The following JPT2 variants were observed in gnomAD, a reference collection of about 807,000 sequenced individuals.
JPT2 encodes the protein Jupiter microtubule associated homolog 2, also known as CRAMP_1 like.
A neutral mutation model predicts 15.9 loss-of-function variants in JPT2; 9 were observed. That is an observed-to-expected ratio of 0.57 (90% CI 0.34 to 0.99). The LOEUF (loss-of-function observed/expected upper bound fraction) is 0.99, where lower values mean the gene tolerates loss of function less well. JPT2 is among the 50% of genes least tolerant of loss of function. The pLI, the probability that JPT2 is intolerant of heterozygous loss-of-function variation, is 0.02. For synonymous variants in JPT2, 95 were observed against 91.7 expected, an observed-to-expected ratio of 1.04 and a Z score of -0.21; for missense variants, 267 against 252.1, an observed-to-expected ratio of 1.06 and a Z score of -0.40.
Position 1,699,124 on chromosome 16 carries a change from C to G in JPT2, c.*126C>G, listed in dbSNP as rs779595171. The G allele has an allele frequency of 1.1e-5, 11 of 996,882 alleles. No homozygotes were observed. The African/African-American group carries it at 1.3e-4, about 11-fold the overall frequency. 61.8% of individuals were successfully genotyped at this position (996,882 alleles called of 1,614,324 possible). ...TTAGTCTTATGTGAGCCTGGCTGCTCAGCGTCTCCTGGCCGTCATGACAGC... is the reference window on the plus strand; with the variant it reads ...TTAGTCTTATGTGAGCCTGGCTGCTGAGCGTCTCCTGGCCGTCATGACAGC... On this transcript the variant is annotated 3_prime_UTR_variant, in exon 5 of 5. Coordinates refer to ENST00000248098, the MANE Select transcript of JPT2 (RefSeq NM_144570.3).
intron 2 of JPT2, chr16:1,690,246 A>G (rs576128403): frequency 1.3e-5 from 2 of 152,330 alleles, no homozygotes; most frequent in Admixed American, 6.5e-5. Flanking sequence ...TCTCCACGCA[A>G]GCACACGTGG....
chr16:1,699,113 G>C lies in JPT2; in HGVS notation c.*115G>C. 3.6e-6 allele frequency: 4 copies of C among 1,111,866 alleles called. No individual in the cohort carries two copies. Among genetic ancestry groups the C allele is most frequent in the Non-Finnish European group, 5.4e-6 (4 of 744,574 alleles). The allele number at this position is 1,111,866 out of a possible 1,614,324, so 68.9% of individuals were successfully genotyped here. ...TGGGAAGAGGGTTAGTCTTATGTGA[G>C]CCTGGCTGCTCAGCGTCTCCTGGCC... On this transcript the variant is annotated 3_prime_UTR_variant, in exon 5 of 5. Transcript: ENST00000248098.
At chr16:1,691,780 G>C in intron 2 of JPT2, 63 bp from the exon 3 acceptor site, 1 of 1,553,002 alleles carries the variant, frequency 6.4e-7, no homozygotes, top group Non-Finnish European at 8.7e-7. Flanking sequence ...GCACTGCGGG[G>C]GTGGGGTGGG....
rs74858483 is a variant in JPT2, at chr16:1,681,994, C to T, written c.45-3445C>T. Among the ~76,000 whole-genome samples the T allele has an allele frequency of 3.9e-3, 600 of 152,280 alleles. 7 individuals carry two copies. The highest frequency in any genetic ancestry group is 0.014 in the African/African-American group (581 of 41,558). ...AAGACTTGATAAATTCAGTTCAGTT[C>T]GAAAGATTGCAGGCCTTCATCCCTT... On this transcript the variant is annotated intron_variant, in intron 1 of 4. Transcript: ENST00000248098.
intron 2 of JPT2, chr16:1,690,562 T>G (rs2037097588): frequency 6.6e-6 from 1 of 152,182 alleles, no homozygotes; most frequent in African/African-American, 2.4e-5. Flanking sequence ...ATGTAATTTT[T>G]CGAGAACAGA....
chr16:1,678,301 G>T lies in JPT2; in HGVS notation c.-12G>T, dbSNP rs2036988790. ...AACGGCGCGCGGCGAGCTGAGGGTG[G>T]CGGCGGTCGACATGTTCCAGGTCCC... is the stretch of plus-strand genomic sequence containing the variant. On this transcript the variant is annotated 5_prime_UTR_variant, in exon 1 of 5. Transcript: ENST00000248098. 1 of 1,237,274 alleles carries T rather than the reference G, an allele frequency of 8.1e-7. No homozygotes were observed. Among genetic ancestry groups the T allele is most frequent in the East Asian group, 3.2e-5 (1 of 31,490 alleles). 76.6% of individuals were successfully genotyped at this position (1,237,274 alleles called of 1,614,324 possible). A position where few individuals can be genotyped will look rare whatever the true frequency, so the allele number is the denominator to read the frequency against.
intron 2 of JPT2, 192 bp downstream of exon 2, chr16:1,685,779 C>G: frequency 3.5e-6 from 2 of 578,864 alleles, no homozygotes; most frequent in Non-Finnish European, 5.7e-6. Context: ...GTCTTGAATT[C>G]TCCATCTGTT....
rs1167019360 is a variant in JPT2, at chr16:1,680,450, T to A, written c.44+2094T>A. 4 of 1,232,524 alleles carry A rather than the reference T, an allele frequency of 3.2e-6. No homozygotes were observed. The South Asian group carries it at 5.5e-5, about 17-fold the overall frequency. The allele number at this position is 1,232,524 out of a possible 1,614,324, so 76.3% of individuals were successfully genotyped here. A position where few individuals can be genotyped will look rare whatever the true frequency, so the allele number is the denominator to read the frequency against. ...GGTGTTGAGAAAGGGAGAAAACTCT[T>A]CCTTTTAGGATGGTGAGGAAGGAAA... On this transcript the variant is annotated intron_variant, in intron 1 of 4. Transcript: ENST00000248098.
intron 2 of JPT2, 80 bp downstream of exon 2, chr16:1,685,667 C>A: frequency 7.0e-7 from 1 of 1,423,780 alleles, no homozygotes; most frequent in Admixed American, 2.1e-5. Context: ...TTATACTGAT[C>A]CTTTCCCATA....
intron 2 of JPT2, among the ~76,000 whole-genome samples, chr16:1,686,979 TC>T (rs1197733235): frequency 6.6e-6 from 1 of 152,278 alleles, no homozygotes; most frequent in East Asian, 1.9e-4. Flanking sequence ...ACTAGTTTTT[TC>T]TTTTGTTTTT....
At chr16:1,690,924 G>T (rs1235478033) in intron 2 of JPT2, among the ~76,000 whole-genome samples, 1 of 152,240 alleles carries the variant, frequency 6.6e-6, no homozygotes, top group East Asian at 1.9e-4. Context: ...CTGTGAGGGA[G>T]TTCTTTTATT....
At chr16:1,685,622 T>TACA in intron 2 of JPT2, 35 bp downstream of exon 2, 1 of 1,584,540 alleles carries the variant, frequency 6.3e-7, no homozygotes, top group Non-Finnish European at 8.6e-7. Flanking sequence ...TCCTTTGGCC[T>TACA]CCACGATTCT....
chr16:1,692,417 A>G (rs897059618), intron 3 of JPT2: 8 of 183,930 alleles, frequency 4.3e-5, no homozygotes, highest in African/African-American at 1.4e-4. Flanking sequence ...TCGGCTGGTT[A>G]CCTGTGGAGA....
intron 1 of JPT2, among the ~76,000 whole-genome samples, chr16:1,684,767 C>A (rs999707784): frequency 2.6e-5 from 4 of 151,642 alleles, no homozygotes; most frequent in African/African-American, 9.7e-5. Context: ...AAAAGTTAGC[C>A]AGGTGTTGTG....
chr16:1,702,090 A>G (rs1328599480), downstream of JPT2: 1 of 454,276 alleles, frequency 2.2e-6, no homozygotes. Context: ...CTTCTGATGT[A>G]TTAGCTATTT....
At chr16:1,693,184 C>G (rs1269603990) in intron 3 of JPT2, among the ~76,000 whole-genome samples, 1 of 152,224 alleles carries the variant, frequency 6.6e-6, no homozygotes, top group Admixed American at 6.5e-5. Context: ...ACTGCAGCCA[C>G]TATCTCCTGG....
In JPT2 at chr16:1,678,340, G is replaced by T. The variant is rs1227947884; in HGVS notation, c.28G>T (p.Gly10Cys). The T allele has an allele frequency of 1.6e-6, 2 of 1,234,280 alleles. No homozygotes were observed. Among genetic ancestry groups the T allele is most frequent in the East Asian group, 3.2e-5 (1 of 31,502 alleles). The allele number at this position is 1,234,280 out of a possible 1,614,324, so 76.5% of individuals were successfully genotyped here. A position where few individuals can be genotyped will look rare whatever the true frequency, so the allele number is the denominator to read the frequency against. The stretch of plus-strand genomic sequence containing the variant: ...GTTCCAGGTCCCGGATAGCGAGGGC[G>T]GCCGCGCCGGCTCCAGGTGCGGCGC... MFQVPDSEGGRAGSRAMKPP... is the reference protein window; with the variant it reads MFQVPDSEGCRAGSRAMKPP... The change falls in exon 1 of 5, where the codon GGC becomes TGC. Residue 10 changes from glycine (G) to cysteine (C), a missense_variant. By Grantham distance (159) the Gly-to-Cys change is radical. Coordinates refer to ENST00000248098, the MANE Select transcript of JPT2 (RefSeq NM_144570.3).
intron 3 of JPT2, among the ~76,000 whole-genome samples, chr16:1,692,852 C>A (rs117112523): frequency 6.6e-6 from 1 of 152,178 alleles, no homozygotes; most frequent in African/African-American, 2.4e-5. Flanking sequence ...AGTTACTTAA[C>A]GCCTAGAAAA....
intron 1 of JPT2, among the ~76,000 whole-genome samples, chr16:1,679,926 G>GC (rs1299314465): frequency 1.3e-5 from 2 of 152,066 alleles, no homozygotes; most frequent in Admixed American, 6.5e-5. Context: ...GTGTGGGGTG[G>GC]CGGGTGCCTG....
Sources: allele counts gnomAD v4.1 joint callset (sites outside exome capture counted in the v4.1 genomes callset), GRCh38; gene constraint gnomAD v4.1.1; transcripts MANE v1.5; gene names NCBI Gene and HGNC (gene_info 2026-07-23, HGNC 2026-07-21).